Variants in AHNAK2 observed in about 807,000 individuals in gnomAD.
AHNAK2 encodes the protein protein AHNAK2.
In AHNAK2, 18 loss-of-function variants were observed where a neutral mutation model predicts 30.7. The ratio of observed to expected loss-of-function variants is 0.59; its 90% CI spans 0.41 to 0.87. The LOEUF is 0.87. Among genes scored for constraint, AHNAK2 ranks in the 40% least tolerant of loss-of-function variants. The pLI, the probability that AHNAK2 is intolerant of heterozygous loss-of-function variation, is 0.00. For missense variants in AHNAK2, 8,604 were observed against 7,373.0 expected (o/e 1.17, Z -6.11); for synonymous variants, 3,590 against 3,073.8 (o/e 1.17, Z -5.56).
rs542806368 is a variant in AHNAK2, at chr14:104,950,454, G to A, written c.4997C>T (p.Pro1666Leu). The A allele has an allele frequency of 4.1e-5, 65 of 1,585,888 alleles. 4 individuals carry two copies. In the African/African-American group the frequency reaches 5.3e-4, roughly 13 times the overall value. Residue 1666 changes from proline to leucine, a missense_variant, in exon 7 of 7, where the codon CCA becomes CTA. Physicochemically the swap from Pro to Leu is moderately conservative, Grantham distance 98 (BLOSUM62 -3). Transcript: ENST00000333244. ...GCCTGGGGCCGACACCCCAAATGAT[G>A]GCATCTTGAACTTGGGCATTTTGAA... ...SKFKMPKFKM[P>L]SFGVSAPGKS...
chr14:104,978,292 C>G lies in AHNAK2; in HGVS notation c.-55G>C, dbSNP rs1899648878. The G allele has an allele frequency of 1.8e-5, 5 of 280,144 alleles. No individual in the cohort carries two copies. The highest frequency in any genetic ancestry group is 9.3e-5 in the African/African-American group (4 of 42,860). 17.4% of individuals were successfully genotyped at this position (280,144 alleles called of 1,614,324 possible). A position where few individuals can be genotyped will look rare whatever the true frequency, so the allele number is the denominator to read the frequency against. ...GCCCGTCGCGTCCAGTCGCTGGTCC[C>G]GGCTCCGGCGCACGGGGCGGGCGGG... On this transcript the variant is annotated 5_prime_UTR_variant, in exon 1 of 7. Transcript: ENST00000333244.
At chr14:104,959,625 T>C (rs2140873630) in intron 1 of AHNAK2, among the ~76,000 whole-genome samples, 1 of 152,188 alleles carries the variant, frequency 6.6e-6, no homozygotes, top group South Asian at 2.1e-4. Context: ...AGAGCAAGAC[T>C]CTGTCTCAAA....
chr14:104,953,314 A>T lies in AHNAK2; in HGVS notation c.2137T>A (p.Ser713Thr). 4 of 1,612,748 alleles carry T rather than the reference A, an allele frequency of 2.5e-6. No homozygotes were observed. The highest frequency in any genetic ancestry group is 3.4e-6 in the Non-Finnish European group (4 of 1,179,638). ...PKVEADVSLL[S>T]MQGDLKTTDL... The stretch of plus-strand genomic sequence containing the variant: ...GTGGTCTTGAGGTCCCCCTGCATGG[A>T]GAGGAGGCTCACGTCGGCCTCCACC... The change falls in exon 7 of 7, where the codon TCC (serine) becomes ACC (threonine). Residue 713 changes from serine (S) to threonine (T), a missense_variant. Physicochemically the swap from Ser to Thr is moderately conservative, Grantham distance 58. Transcript: ENST00000333244.
At chr14:104,963,856 G>C (rs962616562) in intron 1 of AHNAK2, among the ~76,000 whole-genome samples, 1 of 150,434 alleles carries the variant, frequency 6.6e-6, no homozygotes, top group Non-Finnish European at 1.5e-5. Flanking sequence ...AAAAAAGAGA[G>C]AGAGAGAAAA....
At position 104,939,644 on chromosome 14, in the gene AHNAK2, T is replaced by C. The variant is rs772392396; in HGVS notation, c.15807A>G (p.Leu5269=). 6.2e-6 allele frequency: 10 copies of C among 1,613,782 alleles called. No individual in the cohort carries two copies. The highest frequency in any genetic ancestry group is 4.0e-5 in the African/African-American group (3 of 74,930). ...AGCCTGTGCTGTCAAGATCACACCT[T>C]AGAATATCTGTGGATGATTTGCTCT... ...ASESKSSTDI[L]RCDLDSTGLK... Residue 5269 remains leucine, a synonymous_variant, in exon 7 of 7, where the codon CTA becomes CTG. Coordinates refer to ENST00000333244, the MANE Select transcript of AHNAK2 (RefSeq NM_138420.4).
At position 104,941,763 on chromosome 14, in the gene AHNAK2, C is replaced by T; in HGVS notation, c.13688G>A (p.Gly4563Asp). ...SFKMPKVDLK[G>D]PQVDVKGPKL... ...GGGGCCCTTGACGTCCACCTGGGGG[C>T]CCTTGAGGTCCACTTTGGGCATCTT... The change falls in exon 7 of 7, where the codon GGC becomes GAC. Residue 4563 changes from glycine to aspartate, a missense_variant. Physicochemically the swap from Gly to Asp is moderately conservative, Grantham distance 94. Coordinates refer to ENST00000333244, the MANE Select transcript of AHNAK2 (RefSeq NM_138420.4). 1 of 1,613,766 alleles carries T rather than the reference C, an allele frequency of 6.2e-7. No homozygotes were observed. Among genetic ancestry groups the T allele is most frequent in the Admixed American group, 1.7e-5 (1 of 60,012 alleles).
chr14:104,948,020 A>G lies in AHNAK2; in HGVS notation c.7431T>C (p.Thr2477=), dbSNP rs1377268612. 3.1e-6 allele frequency: 5 copies of G among 1,609,688 alleles called. No individual in the cohort carries two copies. Among genetic ancestry groups the G allele is most frequent in the African/African-American group, 1.4e-5 (1 of 73,328 alleles). Residue 2477 remains threonine, a synonymous_variant, in exon 7 of 7, where the codon ACT becomes ACC. Transcript: ENST00000333244. ...GDLSVADKDV[T]TKDSRFKIPK... ...GAATTTTGAACCTGCTGTCTTTGGTAGTCACATCCTTGTCCGCCACAGACA... is the reference window on the plus strand; with the variant it reads ...GAATTTTGAACCTGCTGTCTTTGGTGGTCACATCCTTGTCCGCCACAGACA...
Position 104,949,760 on chromosome 14 carries a change from G to A in AHNAK2, c.5691C>T (p.Pro1897=), listed in dbSNP as rs751771400. The part of the protein sequence containing the change: ...VDMKLPEGQV[P]EGAGLKGHLP... ...AGTGCCCTTTGAGGCCGGCTCCCTC[G>A]GGCACCTGGCCCTCCGGGAGCTTCA... Residue 1897 remains proline, a synonymous_variant, in exon 7 of 7, where the codon CCC becomes CCT. Coordinates refer to ENST00000333244, the MANE Select transcript of AHNAK2 (RefSeq NM_138420.4). 51 of 1,587,214 alleles carry A rather than the reference G, an allele frequency of 3.2e-5. 7 individuals carry two copies. Among genetic ancestry groups the A allele is most frequent in the Admixed American group, 1.7e-4 (10 of 57,428 alleles).
Position 104,938,523 on chromosome 14 carries a change from C to G in AHNAK2, c.16928G>C (p.Gly5643Ala). ...PKDKPESKKS[G>A]LLWFWLPNIG... The stretch of plus-strand genomic sequence containing the variant: ...GTTTGGAAGCCAAAACCAGAGCAGA[C>G]CAGATTTTTTACTTTCTGGTTTGTC... Residue 5643 changes from glycine to alanine, a missense_variant, in exon 7 of 7, where the codon GGT (glycine) becomes GCT (alanine). By Grantham distance (60) the Gly-to-Ala change is moderately conservative. Transcript: ENST00000333244. 3.1e-6 allele frequency: 5 copies of G among 1,613,500 alleles called. No individual in the cohort carries two copies. Among genetic ancestry groups the G allele is most frequent in the Non-Finnish European group, 4.2e-6 (5 of 1,179,746 alleles).
In AHNAK2 at chr14:104,939,615, T is replaced by C; in HGVS notation, c.15836A>G (p.Lys5279Arg). 6.2e-7 allele frequency: 1 copy of C among 1,613,902 alleles called. No individual in the cohort carries two copies. The highest frequency in any genetic ancestry group is 1.3e-5 in the African/African-American group (1 of 75,070). ...LRCDLDSTGL[K>R]LHLSTAGMTG... ...CATCCCAGCAGTGGAGAGGTGCAGC[T>C]TCAAGCCTGTGCTGTCAAGATCACA... The change falls in exon 7 of 7, where the codon AAG (lysine) becomes AGG (arginine). Residue 5279 changes from lysine (K) to arginine (R), a missense_variant. By Grantham distance (26) the Lys-to-Arg change is conservative (BLOSUM62 2). Coordinates refer to ENST00000333244, the MANE Select transcript of AHNAK2 (RefSeq NM_138420.4).
Position 104,954,421 on chromosome 14 carries a change from T to G in AHNAK2, c.1030A>C (p.Arg344=). 4 of 1,612,800 alleles carry G rather than the reference T, an allele frequency of 2.5e-6. No homozygotes were observed. The highest frequency in any genetic ancestry group is 3.4e-6 in the Non-Finnish European group (4 of 1,179,624). Residue 344 remains arginine, a synonymous_variant, in exon 7 of 7, where the codon AGG becomes CGG. Coordinates refer to ENST00000333244, the MANE Select transcript of AHNAK2 (RefSeq NM_138420.4). The surrounding 1 kb of genome is among the most constrained non-coding windows in gnomAD (Gnocchi z 4.3). The stretch of plus-strand genomic sequence containing the variant: ...CGGCCCACCCCACTCTGGAACCCCC[T>G]GCCTGGCTGTCCTGTCGATGAAGGG... The part of the protein sequence containing the change: ...QGPSSTGQPG[R]GFQSGVGRAG...
chr14:104,951,440 C>T lies in AHNAK2; in HGVS notation c.4011G>A (p.Ser1337=), dbSNP rs1960092. The T allele has an allele frequency of 0.017, 21,534 of 1,240,430 alleles. 5,132 individuals are homozygous for T. The African/African-American group carries it at 0.26, about 15-fold the overall frequency. The allele number at this position is 1,240,430 out of a possible 1,614,324, so 76.8% of individuals were successfully genotyped here. ...ACTTGCCTGGGGCAGACACCCCGAA[C>T]GACGGCATCTTGAACTTGGGCATTT... ...KFKMPKFKMP[S]FGVSAPGKSI... Residue 1337 remains serine, a synonymous_variant, in exon 7 of 7, where the codon TCG becomes TCA. Coordinates refer to ENST00000333244, the MANE Select transcript of AHNAK2 (RefSeq NM_138420.4).
At position 104,946,062 on chromosome 14, in the gene AHNAK2, G is replaced by C. The variant is rs568837822; in HGVS notation, c.9389C>G (p.Ser3130Cys). ...GGCAGTCACATCCTTGTCGGCCAGGGACAGGTCCCCCTCCAGCCGTGCACC... is the reference window on the plus strand; with the variant it reads ...GGCAGTCACATCCTTGTCGGCCAGGCACAGGTCCCCCTCCAGCCGTGCACC... ...LDGARLEGDL[S>C]LADKDVTAKD... The change falls in exon 7 of 7, where the codon TCC becomes TGC. Residue 3130 changes from serine to cysteine, a missense_variant. Physicochemically the swap from Ser to Cys is moderately radical, Grantham distance 112 (BLOSUM62 -1). Transcript: ENST00000333244. The C allele has an allele frequency of 3.7e-6, 6 of 1,608,314 alleles. No individual in the cohort carries two copies. In the Admixed American group the frequency reaches 8.4e-5, roughly 23 times the overall value.
chr14:104,971,211 C>T (rs182273878), intron 1 of AHNAK2, among the ~76,000 whole-genome samples: 37 of 152,312 alleles, frequency 2.4e-4, no homozygotes, highest in African/African-American at 7.9e-4. Context: ...AACTCCTGGA[C>T]TCAAACCATC....
intron 1 of AHNAK2, among the ~76,000 whole-genome samples, chr14:104,976,472 G>A (rs1256036787): frequency 6.6e-6 from 1 of 152,164 alleles, no homozygotes; most frequent in East Asian, 1.9e-4. Flanking sequence ...GCTGGGAAAG[G>A]CAGTAGTTGG....
intron 1 of AHNAK2, 124 bp downstream of exon 1, chr14:104,978,059 A>C (rs1899640722): frequency 1.3e-6 from 1 of 749,914 alleles, no homozygotes; most frequent in Non-Finnish European, 1.8e-6. Context: ...CGAGTCCCGC[A>C]GGCGTCTCCG....
intron 1 of AHNAK2, among the ~76,000 whole-genome samples, chr14:104,975,404 T>G (rs1595435852): frequency 6.6e-6 from 1 of 152,114 alleles, no homozygotes; most frequent in Non-Finnish European, 1.5e-5. Flanking sequence ...AGAGCTGGGG[T>G]TGTTAGGAAC....
Position 104,944,619 on chromosome 14 carries a change from G to C in AHNAK2, c.10832C>G (p.Pro3611Arg). 6.2e-7 allele frequency: 1 copy of C among 1,613,064 alleles called. No homozygotes were observed. Among genetic ancestry groups the C allele is most frequent in the Non-Finnish European group, 8.5e-7 (1 of 1,179,640 alleles). Residue 3611 changes from proline to arginine, a missense_variant, in exon 7 of 7, where the codon CCG becomes CGG. Physicochemically the swap from Pro to Arg is moderately radical, Grantham distance 103 (BLOSUM62 -2). Coordinates refer to ENST00000333244, the MANE Select transcript of AHNAK2 (RefSeq NM_138420.4). ...CCGCCCAGCATCCAGCTTGGCCTTC[G>C]GGGCCTGGACATCCACCTCCACGCT... ...LPSVEVDVQA[P>R]KAKLDAGRLE... is the part of the protein sequence containing the mutation.
intron 1 of AHNAK2, among the ~76,000 whole-genome samples, chr14:104,972,175 G>A (rs1263794902): frequency 6.6e-6 from 1 of 152,220 alleles, no homozygotes; most frequent in African/African-American, 2.4e-5. Flanking sequence ...CTGAAAGGTG[G>A]GGACCTGATT....
Sources: gnomAD v4.1 joint callset for allele counts (sites outside exome capture counted in the v4.1 genomes callset) on GRCh38, gnomAD v4.1.1 for gene constraint, Gnocchi (gnomAD v3.1) non-coding constraint, MANE v1.5 for transcripts, NCBI Gene and HGNC (gene_info 2026-07-23, HGNC 2026-07-21) for gene names.